The following XKR4 variants were observed in gnomAD, a reference collection of about 807,000 sequenced individuals.
XKR4 encodes XK related 4.
In XKR4, 12 loss-of-function variants were observed where a neutral mutation model predicts 53.9. The ratio of observed to expected loss-of-function variants is 0.22; its 90% CI spans 0.14 to 0.36. XKR4 has a LOEUF of 0.36. XKR4 is among the 10% of genes least tolerant of loss of function. XKR4 has a pLI of 1.00. For missense variants in XKR4, 799 were observed against 859.5 expected, an observed-to-expected ratio of 0.93 and a Z score of 0.88; for synonymous variants, 354 against 362.4, an observed-to-expected ratio of 0.98 and a Z score of 0.26.
chr8:55,371,846 C>G (rs1804073552), intron 2 of XKR4, among the ~76,000 whole-genome samples: 1 of 152,238 alleles, frequency 6.6e-6, no homozygotes, highest in Admixed American at 6.5e-5. Flanking sequence ...TATGGTATAT[C>G]AACCCCCAGC....
intron 1 of XKR4, among the ~76,000 whole-genome samples, chr8:55,223,496 A>G (rs1817912741): frequency 6.6e-6 from 1 of 152,230 alleles, no homozygotes; most frequent in Non-Finnish European, 1.5e-5. Flanking sequence ...AGTGATATAA[A>G]ATAGGATTGT....
rs1806876845 is a variant in XKR4, at chr8:55,525,958, G to T, written c.*1731G>T. The T allele has an allele frequency of 6.6e-6, 1 of 152,526 alleles. No individual in the cohort carries two copies. The highest frequency in any genetic ancestry group is 2.1e-4 in the South Asian group (1 of 4,812). The allele number at this position is 152,526 out of a possible 1,614,324, so 9.4% of individuals were successfully genotyped here. ...GGCCAGGGGTGCTATCAGAATATCA[G>T]GTGAAGAGAGAATCAGCTTAAATAG... On this transcript the variant is annotated 3_prime_UTR_variant, in exon 3 of 3. Transcript: ENST00000327381.
At chr8:55,409,645 C>T (rs1716854107) in intron 2 of XKR4, among the ~76,000 whole-genome samples, 1 of 151,730 alleles carries the variant, frequency 6.6e-6, no homozygotes, top group African/African-American at 2.4e-5. Context: ...TTTGCCTGTC[C>T]TAAAATTGGG....
chr8:55,482,877 A>T (rs1476844384), intron 2 of XKR4, among the ~76,000 whole-genome samples: 1 of 152,194 alleles, frequency 6.6e-6, no homozygotes, highest in Non-Finnish European at 1.5e-5. Flanking sequence ...AAAGACTATA[A>T]TAATTTCTGA....
In XKR4 at chr8:55,137,298, C is replaced by T. The variant is rs1816644728; in HGVS notation, c.806+34004C>T. Among the ~76,000 whole-genome samples, 4 of 151,896 alleles carry T rather than the reference C, an allele frequency of 2.6e-5. No individual in the cohort carries two copies. In the South Asian group the frequency reaches 8.3e-4, roughly 32 times the overall value. Reference sequence around the variant, plus strand: ...GTGAAATTCCTTGGAGGCCTTTCAACCTCTCCCTAAAGATTTTAAAATTTA... The same window carrying T: ...GTGAAATTCCTTGGAGGCCTTTCAATCTCTCCCTAAAGATTTTAAAATTTA... On this transcript the variant is annotated intron_variant, in intron 1 of 2. Coordinates refer to ENST00000327381, the MANE Select transcript of XKR4 (RefSeq NM_052898.2).
At chr8:55,146,285 G>A (rs570417204) in intron 1 of XKR4, among the ~76,000 whole-genome samples, 26 of 152,262 alleles carry the variant, frequency 1.7e-4, no homozygotes, top group South Asian at 6.2e-4. Context: ...GATGACTGAC[G>A]GGAAGGACTG....
intron 1 of XKR4, among the ~76,000 whole-genome samples, chr8:55,158,730 T>C (rs1816941754): frequency 6.6e-6 from 1 of 152,100 alleles, no homozygotes; most frequent in African/African-American, 2.4e-5. Context: ...TAGCCAGTTA[T>C]TCCATTTACC....
chr8:55,383,703 C>T (rs925691781), intron 2 of XKR4, among the ~76,000 whole-genome samples: 2 of 152,100 alleles, frequency 1.3e-5, no homozygotes. Flanking sequence ...TCCCAGTGGC[C>T]TTTAAAGTTC....
intron 1 of XKR4, among the ~76,000 whole-genome samples, chr8:55,332,947 A>T (rs185287341): frequency 8.0e-5 from 12 of 150,732 alleles, no homozygotes; most frequent in Admixed American, 2.7e-4. Flanking sequence ...CAGACTTGAC[A>T]ATTTCAAATG....
intron 1 of XKR4, among the ~76,000 whole-genome samples, chr8:55,226,652 C>G (rs373095728): frequency 1.3e-5 from 2 of 152,122 alleles, no homozygotes; most frequent in Admixed American, 6.5e-5. Context: ...GTCCTACTTT[C>G]TAAACACCTC....
At position 55,222,173 on chromosome 8, in the gene XKR4, G is replaced by A. The variant is rs1487902383; in HGVS notation, c.806+118879G>A. Among the ~76,000 whole-genome samples the A allele has an allele frequency of 1.7e-4, 26 of 151,970 alleles. 1 individual carries two copies. Among genetic ancestry groups the A allele is most frequent in the Admixed American group, 1.6e-3 (25 of 15,258 alleles). On this transcript the variant is annotated intron_variant, in intron 1 of 2. Transcript: ENST00000327381. ...ATGTGTAGTCTCTGTCTTCTCAGATGTTTTCTTAGATCATGTTTTTCAAAC... is the reference window on the plus strand; with the variant it reads ...ATGTGTAGTCTCTGTCTTCTCAGATATTTTCTTAGATCATGTTTTTCAAAC...
chr8:55,451,155 T>A, intron 2 of XKR4: 1 of 528,302 alleles, frequency 1.9e-6, no homozygotes, highest in Non-Finnish European at 3.4e-6. Flanking sequence ...GAAGCCCGGG[T>A]CGGGGGCCGG....
chr8:55,189,212 G>C (rs1242943400), intron 1 of XKR4, among the ~76,000 whole-genome samples: 1 of 152,060 alleles, frequency 6.6e-6, no homozygotes, highest in African/African-American at 2.4e-5. Flanking sequence ...AGCATACCTT[G>C]TTATATAGTA....
intron 1 of XKR4, among the ~76,000 whole-genome samples, chr8:55,166,720 G>A (rs1405700504): frequency 2.6e-5 from 4 of 152,182 alleles, no homozygotes; most frequent in Non-Finnish European, 5.9e-5. Flanking sequence ...TATGCAGGCA[G>A]GGGGATCTCA....
At chr8:55,426,827 T>C (rs1805022389) in intron 2 of XKR4, among the ~76,000 whole-genome samples, 1 of 152,240 alleles carries the variant, frequency 6.6e-6, no homozygotes, top group Non-Finnish European at 1.5e-5. Flanking sequence ...ATACATTTTG[T>C]ATTTGTCTAA....
At chr8:55,219,234 T>G (rs990663378) in intron 1 of XKR4, among the ~76,000 whole-genome samples, 2 of 152,188 alleles carry the variant, frequency 1.3e-5, no homozygotes, top group African/African-American at 4.8e-5. Context: ...CCTTAAGTAG[T>G]AAATGAAAGC....
At chr8:55,173,413 A>G (rs1426092528) in intron 1 of XKR4, among the ~76,000 whole-genome samples, 1 of 152,058 alleles carries the variant, frequency 6.6e-6, no homozygotes, top group African/African-American at 2.4e-5. Context: ...ACAAAAATAT[A>G]TATAGTTTAT....
intron 2 of XKR4, among the ~76,000 whole-genome samples, chr8:55,473,369 T>A (rs780115141): frequency 6.6e-6 from 1 of 151,494 alleles, no homozygotes; most frequent in Non-Finnish European, 1.5e-5. Flanking sequence ...CAACCCTATC[T>A]TATTTATTTT....
At chr8:55,441,064 CAAAAA>C (rs10598855) in intron 2 of XKR4, among the ~76,000 whole-genome samples, 9 of 119,054 alleles carry the variant, frequency 7.6e-5, no homozygotes, top group African/African-American at 1.7e-4. Flanking sequence ...CTCATCTCTA[CAAAAA>C]AAAAAAAAAA....
Sources: gnomAD v4.1 joint callset for allele counts (sites outside exome capture counted in the v4.1 genomes callset) on GRCh38, gnomAD v4.1.1 for gene constraint, MANE v1.5 for transcripts, NCBI Gene and HGNC (gene_info 2026-07-23, HGNC 2026-07-21) for gene names.